Variants in EHD4 observed in about 807,000 individuals in gnomAD.
EHD4 encodes EH domain-containing protein 4.
EHD4 carries 37 observed loss-of-function variants against 51.0 expected under a neutral mutation model. The ratio of observed to expected loss-of-function variants is 0.73; its 90% CI spans 0.56 to 0.95. The LOEUF (loss-of-function observed/expected upper bound fraction) is 0.95, where lower values mean the gene tolerates loss of function less well. EHD4 is among the 40% of genes least tolerant of loss of function. The probability of loss-of-function intolerance (pLI) is 0.00; values close to 1 mark genes in which losing one functional copy is unlikely to be tolerated. For synonymous variants in EHD4, 297 were observed against 317.3 expected (o/e 0.94, Z 0.68); for missense variants, 632 against 733.1 (o/e 0.86, Z 1.59).
chr15:41,968,030 G>A (rs2067971976), intron 1 of EHD4, among the ~76,000 whole-genome samples: 1 of 152,206 alleles, frequency 6.6e-6, no homozygotes, highest in African/African-American at 2.4e-5. Flanking sequence ...GGAAAAGGAG[G>A]AAGCTGAGTA....
chr15:41,946,315 C>G (rs1854440546), intron 2 of EHD4, among the ~76,000 whole-genome samples: 1 of 152,138 alleles, frequency 6.6e-6, no homozygotes, highest in African/African-American at 2.4e-5. Flanking sequence ...TAGGCTGCCC[C>G]CTCAACTCCA....
intron 2 of EHD4, among the ~76,000 whole-genome samples, chr15:41,953,014 A>C (rs578158060): frequency 7.9e-5 from 12 of 151,620 alleles, no homozygotes; most frequent in Admixed American, 2.0e-4. Context: ...AAAAAAAAAA[A>C]AAAAAAACGA....
rs1245973951 is a variant in EHD4 at position 41,899,908 on chromosome 15, A to T, written c.*737T>A. On this transcript the variant is annotated 3_prime_UTR_variant, in exon 6 of 6. Coordinates refer to ENST00000220325, the MANE Select transcript of EHD4 (RefSeq NM_139265.4). ...TGCCAGGGGTTAATAAAGGTTGTGAATTCCAAATTCCTAGCCGAATATGGC... is the reference window on the plus strand; with the variant it reads ...TGCCAGGGGTTAATAAAGGTTGTGATTTCCAAATTCCTAGCCGAATATGGC... 1 of 152,248 alleles carries T rather than the reference A, an allele frequency of 6.6e-6. No homozygotes were observed. Among genetic ancestry groups the T allele is most frequent in the East Asian group, 1.9e-4 (1 of 5,202 alleles). The allele number at this position is 152,248 out of a possible 1,614,324, so 9.4% of individuals were successfully genotyped here. A position where few individuals can be genotyped will look rare whatever the true frequency, so the allele number is the denominator to read the frequency against.
At chr15:41,959,395 C>CAAA (rs36120701) in intron 1 of EHD4, among the ~76,000 whole-genome samples, 21 of 66,410 alleles carry the variant, frequency 3.2e-4, no homozygotes, top group African/African-American at 1.1e-3. Flanking sequence ...GACTTTGTCT[C>CAAA]AAAAAAAAAA....
At chr15:41,922,446 C>G (rs1349270471) in intron 3 of EHD4, among the ~76,000 whole-genome samples, 2 of 152,114 alleles carry the variant, frequency 1.3e-5, no homozygotes, top group Non-Finnish European at 2.9e-5. Flanking sequence ...CCCCTCACCC[C>G]CATTTAAGAT....
At position 41,900,691 on chromosome 15, in the gene EHD4, TG is replaced by T. The variant is rs758354312; in HGVS notation, c.1579del (p.His527ThrfsTer37). Reference protein sequence around the residue: ...GYELPSSLPPHLVPPSHRKSL... With the variant: ...GYELPSSLPPXLVPPSHRKSL... Reference sequence around the variant, plus strand: ...CTTCCTGTGCGAGGGGGGCACGAGGTGGGGGGGCAGGCTGCTGGGCAGCTCG... The same window carrying T: ...CTTCCTGTGCGAGGGGGGCACGAGGTGGGGGGCAGGCTGCTGGGCAGCTCG... On this transcript the variant is annotated frameshift_variant, in exon 6 of 6. Coordinates refer to ENST00000220325, the MANE Select transcript of EHD4 (RefSeq NM_139265.4). LOFTEE classifies it high-confidence loss of function. The surrounding 1 kb of genome is among the most constrained non-coding windows in gnomAD (Gnocchi z 4.8). 3 of 1,603,022 alleles carry T rather than the reference TG, an allele frequency of 1.9e-6. No homozygotes were observed. The highest frequency in any genetic ancestry group is 3.3e-5 in the Admixed American group (2 of 59,814).
intron 2 of EHD4, among the ~76,000 whole-genome samples, chr15:41,944,124 C>T (rs142479454): frequency 0.031 from 4,704 of 152,302 alleles, 113 homozygotes; most frequent in Admixed American, 0.069. Context: ...TTCTGCCCAG[C>T]GTTTCCTGAT....
At chr15:41,914,936 C>T (rs1228892492) in intron 4 of EHD4, among the ~76,000 whole-genome samples, 7 of 152,128 alleles carry the variant, frequency 4.6e-5, no homozygotes, top group Non-Finnish European at 8.8e-5. Context: ...CAGGCGCCCA[C>T]CTCCACGCCC....
chr15:41,964,935 C>T (rs1344063279), intron 1 of EHD4, among the ~76,000 whole-genome samples: 2 of 151,924 alleles, frequency 1.3e-5, no homozygotes, highest in Non-Finnish European at 2.9e-5. Context: ...CCATGTCCGG[C>T]TAATTTTTGT....
At chr15:41,960,750 T>C (rs1463007802) in intron 1 of EHD4, among the ~76,000 whole-genome samples, 2 of 150,084 alleles carry the variant, frequency 1.3e-5, no homozygotes, top group Non-Finnish European at 3.0e-5. Flanking sequence ...CTCAGCTCAC[T>C]GCAACCTCTG....
chr15:41,918,351 C>G (rs1027314188), intron 4 of EHD4, among the ~76,000 whole-genome samples: 1 of 152,220 alleles, frequency 6.6e-6, no homozygotes, highest in Non-Finnish European at 1.5e-5. Context: ...TTCTGATGAT[C>G]AGCCAGGTTT....
At chr15:41,921,248 TTC>T (rs1171521246) in intron 3 of EHD4, among the ~76,000 whole-genome samples, 1 of 152,206 alleles carries the variant, frequency 6.6e-6, no homozygotes, top group Non-Finnish European at 1.5e-5. Flanking sequence ...CATTTCTCTG[TTC>T]TGTCTCACTG....
At chr15:41,960,839 A>T (rs1442479794) in intron 1 of EHD4, among the ~76,000 whole-genome samples, 3 of 151,876 alleles carry the variant, frequency 2.0e-5, no homozygotes, top group Admixed American at 2.0e-4. Context: ...CACTGGGCTA[A>T]TTTTTGTATT....
intron 3 of EHD4, among the ~76,000 whole-genome samples, chr15:41,922,793 G>A (rs1345867847): frequency 6.6e-6 from 1 of 152,184 alleles, no homozygotes; most frequent in Non-Finnish European, 1.5e-5. Context: ...CTCATGTCTG[G>A]AGGAACAGGT....
In EHD4 at chr15:41,900,844, G is replaced by A. The variant is rs2067472337; in HGVS notation, c.1427C>T (p.Thr476Ile). The change falls in exon 6 of 6, where the codon ACC becomes ATC. Residue 476 changes from threonine to isoleucine, a missense_variant. Transcript: ENST00000220325. The surrounding 1 kb of genome is among the most constrained non-coding windows in gnomAD (Gnocchi z 4.8). ...SGVNAKKEMV[T>I]SKLPNSVLGK... ...CAGGACGCTGTTGGGCAGCTTGGAG[G>A]TCACCATCTCCTTCTTGGCGTTGAC... 6.2e-7 allele frequency: 1 copy of A among 1,614,170 alleles called. No homozygotes were observed. The highest frequency in any genetic ancestry group is 8.5e-7 in the Non-Finnish European group (1 of 1,180,024).
chr15:41,928,327 C>T (rs2067676286), intron 3 of EHD4: 1 of 152,166 alleles, frequency 6.6e-6, no homozygotes, highest in Admixed American at 6.5e-5. Flanking sequence ...GAAGTAGGTA[C>T]TTTTATTACC....
intron 5 of EHD4, among the ~76,000 whole-genome samples, chr15:41,904,841 C>T (rs563307719): frequency 1.4e-4 from 22 of 152,356 alleles, no homozygotes; most frequent in East Asian, 3.9e-4. Context: ...CTGTCAGTCA[C>T]GGTCCCTCCC....
chr15:41,944,368 C>T (rs934703081), intron 2 of EHD4, among the ~76,000 whole-genome samples: 1 of 152,202 alleles, frequency 6.6e-6, no homozygotes, highest in Non-Finnish European at 1.5e-5. Context: ...AATGCCTCTC[C>T]TTTTCCTTTA....
intron 2 of EHD4, among the ~76,000 whole-genome samples, chr15:41,944,324 G>T (rs965598854): frequency 1.3e-5 from 2 of 152,234 alleles, no homozygotes; most frequent in African/African-American, 4.8e-5. Flanking sequence ...GGACCTTTGT[G>T]AGGCACTGTG....
Sources: gnomAD v4.1 joint callset for allele counts (sites outside exome capture counted in the v4.1 genomes callset) on GRCh38, gnomAD v4.1.1 for gene constraint, Gnocchi (gnomAD v3.1) non-coding constraint, MANE v1.5 for transcripts, NCBI Gene and HGNC (gene_info 2026-07-23, HGNC 2026-07-21) for gene names.